Variants in TJP1 observed in about 807,000 individuals in gnomAD.
The protein encoded by TJP1 is tight junction protein ZO-1.
A neutral mutation model predicts 194.2 loss-of-function variants in TJP1; 43 were observed. That is an observed-to-expected ratio of 0.22 (90% CI 0.17 to 0.29). The LOEUF (loss-of-function observed/expected upper bound fraction) is 0.29, where lower values mean the gene tolerates loss of function less well. Ranked by LOEUF, TJP1 falls within the 10% of genes least tolerant of loss-of-function variation. TJP1 has a pLI of 1.00. For missense variants in TJP1, 1,971 were observed against 2,185.7 expected (o/e 0.90, Z 1.96); for synonymous variants, 801 against 779.0 (o/e 1.03, Z -0.47).
At chr15:29,877,580 TTTCC>T (rs1465123207) in intron 2 of TJP1, among the ~76,000 whole-genome samples, 1 of 152,006 alleles carries the variant, frequency 6.6e-6, no homozygotes, top group African/African-American at 2.4e-5. Context: ...TCTTTCTTTC[TTTCC>T]TTCCTTCCTT....
intron 2 of TJP1, among the ~76,000 whole-genome samples, chr15:29,945,740 G>A (rs966031099): frequency 2.6e-5 from 4 of 151,672 alleles, no homozygotes; most frequent in East Asian, 1.9e-4. Context: ...GGCAAGGAAC[G>A]GAAATAGGAG....
At chr15:29,820,909 C>T (rs776248071) in intron 1 of TJP1, among the ~76,000 whole-genome samples, 55 of 152,322 alleles carry the variant, frequency 3.6e-4, no homozygotes, top group Non-Finnish European at 7.2e-4. Flanking sequence ...AGCAAACAAG[C>T]TTCTGTGAGA....
intron 5 of TJP1, 32 bp downstream of exon 5, chr15:29,766,234 T>C (rs756936904): frequency 2.5e-6 from 4 of 1,584,342 alleles, no homozygotes; most frequent in East Asian, 2.2e-5. Context: ...AATTTTCATG[T>C]GAAAAAAACA....
chr15:29,965,416 TGACCAGGCTGGTATC>T (rs2056300227), intron 1 of TJP1, among the ~76,000 whole-genome samples: 1 of 152,154 alleles, frequency 6.6e-6, no homozygotes, highest in South Asian at 2.1e-4. Flanking sequence ...TTCACCATAT[TGACCAGGCTGGTATC>T]GACCTCCTGA....
chr15:29,912,132 C>A (rs2054034309), intron 2 of TJP1, among the ~76,000 whole-genome samples: 1 of 152,174 alleles, frequency 6.6e-6, no homozygotes, highest in Non-Finnish European at 1.5e-5. Flanking sequence ...TTTGCTGTGC[C>A]TCACATGGTG....
chr15:29,879,138 A>G (rs1370807224), intron 2 of TJP1, among the ~76,000 whole-genome samples: 1 of 152,036 alleles, frequency 6.6e-6, no homozygotes, highest in Non-Finnish European at 1.5e-5. Flanking sequence ...AAATAATAAT[A>G]AAAAAATAAA....
chr15:29,949,568 T>A (rs2055513402), intron 2 of TJP1, among the ~76,000 whole-genome samples: 11 of 32,460 alleles, frequency 3.4e-4, no homozygotes, highest in Middle Eastern at 0.028. Context: ...CACCTCCACT[T>A]CCACAACCAC....
chr15:29,796,725 A>G (rs1567045950), intron 2 of TJP1, among the ~76,000 whole-genome samples: 1 of 152,224 alleles, frequency 6.6e-6, no homozygotes, highest in Non-Finnish European at 1.5e-5. Flanking sequence ...TAGCCAAAAT[A>G]ATTTTAAAAA....
At chr15:29,764,026 T>G (rs561669025) in intron 5 of TJP1, among the ~76,000 whole-genome samples, 37 of 152,358 alleles carry the variant, frequency 2.4e-4, no homozygotes, top group African/African-American at 8.7e-4. Flanking sequence ...TATTAGTTTG[T>G]TCGTTCATTC....
chr15:29,715,606 A>T (rs996486177), intron 23 of TJP1, among the ~76,000 whole-genome samples: 1 of 152,200 alleles, frequency 6.6e-6, no homozygotes, highest in Non-Finnish European at 1.5e-5. Flanking sequence ...ACACAATACT[A>T]TGTGTGATGA....
Position 29,727,882 on chromosome 15 carries a change from A to G in TJP1, c.2100+55T>C, listed in dbSNP as rs2043340531. 2.7e-5 allele frequency: 39 copies of G among 1,462,922 alleles called. No homozygotes were observed. In the East Asian group the frequency reaches 8.9e-4, roughly 33 times the overall value. The allele number at this position is 1,462,922 out of a possible 1,614,324, so 90.6% of individuals were successfully genotyped here. The stretch of plus-strand genomic sequence containing the variant: ...TCTACTTTCAAATTAACCAAATCCC[A>G]TCCCACTCAAAACCACAATAACATA... On this transcript the variant is annotated intron_variant, in intron 16 of 27. Coordinates refer to ENST00000614355, the MANE Select transcript of TJP1 (RefSeq NM_001330239.4).
At chr15:29,798,519 GGGATGCTCAACCCATATCAA>G (rs2048565053) in intron 2 of TJP1, among the ~76,000 whole-genome samples, 1 of 152,030 alleles carries the variant, frequency 6.6e-6, no homozygotes, top group Non-Finnish European at 1.5e-5. Context: ...TTTCAGATCT[GGGATGCTCAACCCATATCAA>G]GTGCTGATGA....
intron 10 of TJP1, among the ~76,000 whole-genome samples, chr15:29,739,174 T>C (rs1006895429): frequency 1.3e-5 from 2 of 152,182 alleles, no homozygotes; most frequent in Admixed American, 6.5e-5. Flanking sequence ...TAGTAAAACA[T>C]GGCTTCTGAA....
chr15:29,874,869 G>A (rs982147792), intron 2 of TJP1, among the ~76,000 whole-genome samples: 10 of 152,110 alleles, frequency 6.6e-5, no homozygotes, highest in South Asian at 2.1e-4. Flanking sequence ...TGACATGCAC[G>A]TACATAAAGT....
intron 2 of TJP1, among the ~76,000 whole-genome samples, chr15:29,794,451 T>A (rs2048284064): frequency 6.6e-6 from 1 of 152,168 alleles, no homozygotes; most frequent in African/African-American, 2.4e-5. Context: ...ACATTAATCA[T>A]CTAAAACGGC....
At chr15:29,723,101 T>C (rs1041279868) in intron 18 of TJP1, among the ~76,000 whole-genome samples, 9 of 152,084 alleles carry the variant, frequency 5.9e-5, no homozygotes, top group African/African-American at 2.2e-4. Flanking sequence ...AACTTCTGAG[T>C]TAATGCTGAA....
At chr15:29,811,870 G>GAATA (rs1276996553) in intron 1 of TJP1, among the ~76,000 whole-genome samples, 3 of 151,970 alleles carry the variant, frequency 2.0e-5, no homozygotes, top group Admixed American at 2.0e-4. Flanking sequence ...ATGAATGAAT[G>GAATA]AATGAATGAA....
At chr15:29,755,334 G>A (rs988903682) in intron 8 of TJP1, among the ~76,000 whole-genome samples, 1 of 152,166 alleles carries the variant, frequency 6.6e-6, no homozygotes, top group Non-Finnish European at 1.5e-5. Flanking sequence ...CACATTATAT[G>A]CTCTACCTGC....
upstream of TJP1, chr15:29,824,102 A>T (rs1221589475): frequency 2.1e-5 from 3 of 140,510 alleles, no homozygotes; most frequent in African/African-American, 8.2e-5. Flanking sequence ...AAAAAAAAAA[A>T]AAAAAAAAAA....
Sources: gnomAD v4.1 joint callset for allele counts (sites outside exome capture counted in the v4.1 genomes callset) on GRCh38, gnomAD v4.1.1 for gene constraint, MANE v1.5 for transcripts, NCBI Gene and HGNC (gene_info 2026-07-23, HGNC 2026-07-21) for gene names.